Variants in SEC61A1 observed in about 807,000 individuals in gnomAD.
SEC61A1 encodes protein transport protein Sec61 subunit alpha isoform 1.
SEC61A1 carries 15 observed loss-of-function variants against 55.2 expected under a neutral mutation model. The ratio of observed to expected loss-of-function variants is 0.27; its 90% CI spans 0.18 to 0.42. SEC61A1 has a LOEUF of 0.42. Ranked by LOEUF, SEC61A1 falls within the 10% of genes least tolerant of loss-of-function variation. The pLI, the probability that SEC61A1 is intolerant of heterozygous loss-of-function variation, is 1.00. For missense variants in SEC61A1, 284 were observed against 602.6 expected (o/e 0.47, Z 5.53); for synonymous variants, 247 against 234.0 (o/e 1.06, Z -0.51).
In SEC61A1 at chr3:128,066,990, T is replaced by C; in HGVS notation, c.814T>C (p.Tyr272His). Residue 272 changes from tyrosine (Y) to histidine (H), a missense_variant, in exon 9 of 12, where the codon TAC becomes CAC. Coordinates refer to ENST00000243253, the MANE Select transcript of SEC61A1 (RefSeq NM_013336.4). Reference protein sequence around the residue: ...RVDLPIKSARYRGQYNTYPIK... With the variant: ...RVDLPIKSARHRGQYNTYPIK... ...GGACCTGCCAATCAAGTCGGCCCGC[T>C]ACCGTGGCCAGTACAACACCTATCC... 6.2e-7 allele frequency: 1 copy of C among 1,614,218 alleles called. No individual in the cohort carries two copies. The highest frequency in any genetic ancestry group is 1.3e-5 in the African/African-American group (1 of 75,056).
intron 1 of SEC61A1, 118 bp downstream of exon 1, chr3:128,052,677 G>C: frequency 6.5e-7 from 1 of 1,527,420 alleles, no homozygotes; most frequent in Non-Finnish European, 8.9e-7. Flanking sequence ...AACGCGGCCC[G>C]TGCCCCCGGC....
At chr3:128,052,398 C>CCCGCG (rs558830396), upstream of SEC61A1, 2,559 of 1,214,132 alleles carry the variant, frequency 2.1e-3, 44 homozygotes, top group South Asian at 0.042. Context: ...CCGGCCCCGC[C>CCCGCG]CCGCGCCGCG....
rs374326537 is a variant in SEC61A1, at chr3:128,069,236, C to T, written c.1245-240C>T. Among the ~76,000 whole-genome samples the T allele has an allele frequency of 3.6e-4, 55 of 152,328 alleles. 1 individual carries two copies. The East Asian group carries it at 7.3e-3, about 20-fold the overall frequency. On this transcript the variant is annotated intron_variant, in intron 11 of 11. Transcript: ENST00000243253. ...ATCCTTGTCTTCAAATCTCCAAAAT[C>T]TTATGTGACATCTCAGTTTGGTCTA...
At chr3:128,060,877 T>G (rs1941841301) in intron 7 of SEC61A1, among the ~76,000 whole-genome samples, 1 of 152,204 alleles carries the variant, frequency 6.6e-6, no homozygotes. Context: ...TAAAAATATC[T>G]CCTGGACGTT....
chr3:128,069,425 T>G, intron 11 of SEC61A1, 51 bp from the exon 12 acceptor site: 1 of 1,566,682 alleles, frequency 6.4e-7, no homozygotes, highest in Non-Finnish European at 8.6e-7. Flanking sequence ...GCCGCCTGGC[T>G]CACGGGGAGC....
intron 6 of SEC61A1, 146 bp downstream of exon 6, chr3:128,060,357 C>A: frequency 1.9e-6 from 2 of 1,052,256 alleles, no homozygotes; most frequent in Middle Eastern, 2.2e-4. Context: ...CTGAATTCAG[C>A]AGAGAAAGGC....
upstream of SEC61A1, chr3:128,051,793 G>A (rs1941676623): frequency 1.5e-5 from 23 of 1,532,186 alleles, no homozygotes; most frequent in South Asian, 2.7e-4. Context: ...AGCTGCCCCG[G>A]CCCTTCTCCG....
intron 2 of SEC61A1, among the ~76,000 whole-genome samples, chr3:128,054,672 A>G (rs1165908862): frequency 6.6e-6 from 1 of 152,246 alleles, no homozygotes; most frequent in Non-Finnish European, 1.5e-5. Context: ...GTCTCTCACA[A>G]GGTATTTCAA....
rs755173813 is a variant in SEC61A1 at position 128,065,228 on chromosome 3, T to A, written c.777+191T>A. ...TTCATTGAGTCATGGGACCTGCCATTAACGAAACAAAATTAAGGCAGTTCT... is the reference window on the plus strand; with the variant it reads ...TTCATTGAGTCATGGGACCTGCCATAAACGAAACAAAATTAAGGCAGTTCT... On this transcript the variant is annotated intron_variant, in intron 8 of 11. Coordinates refer to ENST00000243253, the MANE Select transcript of SEC61A1 (RefSeq NM_013336.4). The A allele has an allele frequency of 3.1e-4, 213 of 694,170 alleles. 1 individual carries two copies. Among genetic ancestry groups the A allele is most frequent in the South Asian group, 9.4e-4 (59 of 62,614 alleles). The allele number at this position is 694,170 out of a possible 1,614,324, so 43.0% of individuals were successfully genotyped here.
rs371040109 is a variant in SEC61A1, at chr3:128,052,823, C to T, written c.8-12C>T. The T allele has an allele frequency of 4.3e-6, 7 of 1,611,978 alleles. No individual in the cohort carries two copies. Among genetic ancestry groups the T allele is most frequent in the Non-Finnish European group, 5.1e-6 (6 of 1,178,294 alleles). ...TGTCCCAACTCTTCCTGTTTTGTTT[C>T]TCCCATCAAAGTCAAATTTCTGGAA... On this transcript the variant is annotated splice_polypyrimidine_tract_variant and intron_variant, in intron 1 of 11. Transcript: ENST00000243253.
At chr3:128,069,018 CT>C (rs1942070360) in intron 11 of SEC61A1, 1 of 152,924 alleles carries the variant, frequency 6.5e-6, no homozygotes. Flanking sequence ...TAATATTAAG[CT>C]GCTGGATTTA....
chr3:128,067,534 A>T lies in SEC61A1; in HGVS notation c.1089A>T (p.Val363=), dbSNP rs929530750. 2 of 1,614,042 alleles carry T rather than the reference A, an allele frequency of 1.2e-6. No individual in the cohort carries two copies. Among genetic ancestry groups the T allele is most frequent in the African/African-American group, 2.7e-5 (2 of 74,916 alleles). ...TAGAAGACCCGGTCCATGCAGTTGT[A>T]TACATAGTGTTCATGCTGGGCTCCT... ...SVLEDPVHAV[V]YIVFMLGSCA... Residue 363 remains valine, a synonymous_variant, in exon 10 of 12, where the codon GTA becomes GTT. Transcript: ENST00000243253. The surrounding 1 kb of genome is among the most constrained non-coding windows in gnomAD (Gnocchi z 4.1).
At chr3:128,052,429 C>T, upstream of SEC61A1, 9 of 1,345,990 alleles carry the variant, frequency 6.7e-6, no homozygotes, top group African/African-American at 1.5e-5. Context: ...TGCCGCCGGG[C>T]TAGCACTGAC....
At chr3:128,064,764 T>C in intron 7 of SEC61A1, 113 bp from the exon 8 acceptor site, 2 of 843,234 alleles carry the variant, frequency 2.4e-6, no homozygotes, top group African/African-American at 1.7e-5. Context: ...ATGGGCACCA[T>C]GAGTCTAATA....
intron 7 of SEC61A1, among the ~76,000 whole-genome samples, chr3:128,061,275 CTGGTAGATGTGTATCAAACAT>C (rs1333671844): frequency 6.6e-6 from 1 of 152,218 alleles, no homozygotes; most frequent in East Asian, 1.9e-4. Context: ...TGCCTGGCTC[CTGGTAGATGTGTATCAAACAT>C]TGGCATGCTG....
At chr3:128,057,586 G>A (rs1303032585) in intron 5 of SEC61A1, among the ~76,000 whole-genome samples, 1 of 78,000 alleles carries the variant, frequency 1.3e-5, no homozygotes, top group Non-Finnish European at 2.5e-5. Flanking sequence ...CTGGGGGGCG[G>A]TGGCTCACGC....
In SEC61A1 at chr3:128,055,765, T is replaced by G. The variant is rs1166847125; in HGVS notation, c.220+14T>G. 6.2e-7 allele frequency: 1 copy of G among 1,600,136 alleles called. No individual in the cohort carries two copies. Among genetic ancestry groups the G allele is most frequent in the Admixed American group, 1.7e-5 (1 of 60,016 alleles). On this transcript the variant is annotated intron_variant, in intron 4 of 11. Coordinates refer to ENST00000243253, the MANE Select transcript of SEC61A1 (RefSeq NM_013336.4). ...CCTCTAACAGAGGTAGGACTCTGGC[T>G]CTGTCTTTTCTCTGTAGAGTGTAGG...
chr3:128,068,198 AT>A (rs1942041833), intron 11 of SEC61A1, 139 bp downstream of exon 11: 1 of 650,290 alleles, frequency 1.5e-6, no homozygotes, highest in Non-Finnish European at 2.7e-6. Flanking sequence ...ATTAAATGTT[AT>A]ATATTTATAA....
intron 1 of SEC61A1, 86 bp from the exon 2 acceptor site, chr3:128,052,749 C>A: frequency 6.7e-7 from 1 of 1,501,902 alleles, no homozygotes; most frequent in South Asian, 1.1e-5. Flanking sequence ...TGCTCTCACT[C>A]GTCGTGGGCA....
Sources: gnomAD v4.1 joint callset for allele counts (sites outside exome capture counted in the v4.1 genomes callset) on GRCh38, gnomAD v4.1.1 for gene constraint, Gnocchi (gnomAD v3.1) non-coding constraint, MANE v1.5 for transcripts, NCBI Gene and HGNC (gene_info 2026-07-23, HGNC 2026-07-21) for gene names.